Variants in MYO3A observed in about 807,000 individuals in gnomAD.
MYO3A encodes myosin-IIIa.
In MYO3A, 180 loss-of-function variants were observed where a neutral mutation model predicts 192.7. The observed-to-expected ratio is 0.93, with a 90% confidence interval of 0.83 to 1.06. MYO3A has a LOEUF of 1.06. Among genes scored for constraint, MYO3A ranks in the 50% least tolerant of loss-of-function variants. The pLI is 0.00. For synonymous variants in MYO3A, 628 were observed against 645.3 expected, an observed-to-expected ratio of 0.97 and a Z score of 0.41; for missense variants, 1,896 against 1,905.0, an observed-to-expected ratio of 1.00 and a Z score of 0.09.
chr10:26,015,006 TA>T, intron 6 of MYO3A, among the ~76,000 whole-genome samples: 1 of 152,262 alleles, frequency 6.6e-6, no homozygotes, highest in East Asian at 1.9e-4. Context: ...AAATAGCACT[TA>T]TGCGATAGGG....
intron 14 of MYO3A, among the ~76,000 whole-genome samples, chr10:26,077,237 T>C (rs1283811147): frequency 7.2e-6 from 1 of 139,034 alleles, no homozygotes; most frequent in East Asian, 2.0e-4. Context: ...CCTAAGGTTT[T>C]TTTTTTTTTT....
At chr10:26,107,291 C>T (rs1163088477) in intron 17 of MYO3A, among the ~76,000 whole-genome samples, 2 of 152,010 alleles carry the variant, frequency 1.3e-5, no homozygotes, top group Non-Finnish European at 2.9e-5. Context: ...ACCATCCTGG[C>T]TAACACAGTG....
chr10:26,018,566 GT>G (rs1386350029), intron 7 of MYO3A, among the ~76,000 whole-genome samples: 2 of 152,016 alleles, frequency 1.3e-5, no homozygotes, highest in African/African-American at 4.8e-5. Context: ...TGATTGGCAT[GT>G]TTAAATTAAA....
chr10:26,010,555 C>A (rs1415739462), intron 6 of MYO3A, among the ~76,000 whole-genome samples: 7 of 151,648 alleles, frequency 4.6e-5, no homozygotes, highest in African/African-American at 7.3e-5. Context: ...CCTCCGCCTC[C>A]TGGATTCAAG....
intron 23 of MYO3A, among the ~76,000 whole-genome samples, chr10:26,147,903 G>C (rs1033414823): frequency 3.3e-5 from 5 of 152,152 alleles, no homozygotes; most frequent in African/African-American, 1.2e-4. Context: ...GGTTCCAAAA[G>C]TTTGGTGGGC....
chr10:26,078,782 C>T (rs1480706511), intron 14 of MYO3A, among the ~76,000 whole-genome samples: 1 of 152,066 alleles, frequency 6.6e-6, no homozygotes, highest in Admixed American at 6.5e-5. Context: ...CATTCAGGAG[C>T]AGGTTATTTG....
At chr10:26,204,704 A>G (rs1311047488) in intron 34 of MYO3A, among the ~76,000 whole-genome samples, 1 of 152,232 alleles carries the variant, frequency 6.6e-6, no homozygotes, top group Non-Finnish European at 1.5e-5. Flanking sequence ...GGCCTTAACC[A>G]TTACTCAGTA....
At chr10:26,006,560 T>G (rs1403353043) in intron 6 of MYO3A, among the ~76,000 whole-genome samples, 1 of 151,846 alleles carries the variant, frequency 6.6e-6, no homozygotes, top group Non-Finnish European at 1.5e-5. Flanking sequence ...TCACCACCAA[T>G]CCCACAGAAA....
chr10:26,206,703 C>T lies in MYO3A; in HGVS notation c.4730+3596C>T, dbSNP rs1238237154. Reference sequence around the variant, plus strand: ...ACCTCAGGTGATCTGCCCACCTCGGCCTCCCAAAGTGCTGGGATTACAGGC... The same window carrying T: ...ACCTCAGGTGATCTGCCCACCTCGGTCTCCCAAAGTGCTGGGATTACAGGC... On this transcript the variant is annotated intron_variant, in intron 34 of 34. Coordinates refer to ENST00000642920, the MANE Select transcript of MYO3A (RefSeq NM_017433.5). 2.0e-5 allele frequency among the ~76,000 whole-genome samples: 3 copies of T among 152,214 alleles called. No individual in the cohort carries two copies. The South Asian group carries it at 6.2e-4, about 32-fold the overall frequency.
intron 10 of MYO3A, among the ~76,000 whole-genome samples, chr10:26,039,618 T>C (rs937213578): frequency 2.6e-5 from 4 of 152,136 alleles, no homozygotes; most frequent in African/African-American, 9.7e-5. Context: ...CTTGGTAGGT[T>C]GTATGTGTCT....
chr10:26,062,297 G>C (rs1042442335), intron 10 of MYO3A, among the ~76,000 whole-genome samples: 3 of 151,668 alleles, frequency 2.0e-5, no homozygotes, highest in Non-Finnish European at 2.9e-5. Context: ...GAGGTGGGCA[G>C]ATCACGAGGT....
intron 4 of MYO3A, among the ~76,000 whole-genome samples, chr10:25,977,915 G>A (rs1265695712): frequency 6.6e-6 from 1 of 152,046 alleles, no homozygotes; most frequent in Admixed American, 6.6e-5. Context: ...ACAGGAGTGG[G>A]GAGGTTCTGT....
Position 26,115,514 on chromosome 10 carries a change from T to C in MYO3A, c.1777-5162T>C, listed in dbSNP as rs1838448335. 5.9e-5 allele frequency among the ~76,000 whole-genome samples: 9 copies of C among 152,356 alleles called. No homozygotes were observed. In the South Asian group the frequency reaches 1.9e-3, roughly 32 times the overall value. On this transcript the variant is annotated intron_variant, in intron 17 of 34. Transcript: ENST00000642920. The stretch of plus-strand genomic sequence containing the variant: ...CCTATATCTAGATTTTTTCTTAAGC[T>C]TTTAAGTTCTGCTCACTCATCATTT...
At chr10:26,097,199 A>C (rs190499621) in intron 17 of MYO3A, among the ~76,000 whole-genome samples, 2 of 152,122 alleles carry the variant, frequency 1.3e-5, no homozygotes, top group East Asian at 3.9e-4. Flanking sequence ...TTTCTGATGC[A>C]ATTCTGACTT....
intron 4 of MYO3A, among the ~76,000 whole-genome samples, chr10:25,991,648 T>C (rs1840039719): frequency 6.6e-6 from 1 of 152,230 alleles, no homozygotes; most frequent in Non-Finnish European, 1.5e-5. Context: ...TAGTTTTAGG[T>C]CTAACATTTA....
At chr10:26,172,861 G>A (rs1842116525) in intron 29 of MYO3A, among the ~76,000 whole-genome samples, 1 of 152,098 alleles carries the variant, frequency 6.6e-6, no homozygotes, top group East Asian at 1.9e-4. Context: ...AGAAGAGTCC[G>A]ACTTCACAAA....
At chr10:26,049,997 G>A (rs11812817) in intron 10 of MYO3A, among the ~76,000 whole-genome samples, 24,674 of 151,208 alleles carry the variant, frequency 0.16, 2,284 homozygotes, top group Non-Finnish European at 0.21. Context: ...CTTGTTTATA[G>A]TTGCTCAGTG....
At chr10:26,091,743 C>T (rs74126396) in intron 15 of MYO3A, among the ~76,000 whole-genome samples, 1,848 of 152,242 alleles carry the variant, frequency 0.012, 35 homozygotes, top group African/African-American at 0.041. Flanking sequence ...AAGTGAGAAA[C>T]TAAGAGAATT....
intron 26 of MYO3A, chr10:26,165,815 G>A (rs1289552835): frequency 1.8e-6 from 1 of 567,504 alleles, no homozygotes; most frequent in South Asian, 2.2e-5. Context: ...TCAGGGGAGT[G>A]CAGTATTAAG....
Sources: allele counts gnomAD v4.1 joint callset (sites outside exome capture counted in the v4.1 genomes callset), GRCh38; gene constraint gnomAD v4.1.1; transcripts MANE v1.5; gene names NCBI Gene and HGNC (gene_info 2026-07-23, HGNC 2026-07-21).